ANKS1A: variants seen among roughly 807,000 people sequenced by gnomAD.
The protein encoded by ANKS1A is ankyrin repeat and sterile alpha motif domain containing 1A.
Under a neutral mutation model 120.3 loss-of-function variants are expected in ANKS1A, and 55 were observed. That is an observed-to-expected ratio of 0.46 (90% CI 0.37 to 0.57). The LOEUF is 0.57. Among genes scored for constraint, ANKS1A ranks in the 20% least tolerant of loss-of-function variants. The probability of loss-of-function intolerance (pLI) is 0.00; values close to 1 mark genes in which losing one functional copy is unlikely to be tolerated. For synonymous variants in ANKS1A, 590 were observed against 604.7 expected (o/e 0.98, Z 0.36); for missense variants, 1,123 against 1,480.3 (o/e 0.76, Z 3.96).
intron 9 of ANKS1A, among the ~76,000 whole-genome samples, chr6:34,990,521 G>A (rs1772448342): frequency 7.0e-6 from 1 of 143,420 alleles, no homozygotes; most frequent in African/African-American, 2.6e-5. Flanking sequence ...ACAAGGAGAA[G>A]CCTAATAATA....
chr6:35,043,778 G>A (rs894220402), intron 11 of ANKS1A, among the ~76,000 whole-genome samples: 1 of 152,088 alleles, frequency 6.6e-6, no homozygotes, highest in African/African-American at 2.4e-5. Context: ...TACTAATTTG[G>A]AGTTCTCTGC....
chr6:35,075,826 A>G (rs1237074665), intron 13 of ANKS1A, among the ~76,000 whole-genome samples: 5 of 152,204 alleles, frequency 3.3e-5, no homozygotes, highest in African/African-American at 1.2e-4. Context: ...CAGTGGTGCA[A>G]TCATGGCTCT....
chr6:35,061,212 T>G (rs1274938511), intron 13 of ANKS1A, among the ~76,000 whole-genome samples: 2 of 152,068 alleles, frequency 1.3e-5, no homozygotes, highest in African/African-American at 4.8e-5. Context: ...ATTGGCAGGG[T>G]GGAAATGTGT....
At chr6:34,920,063 TTTG>T (rs905215686) in intron 1 of ANKS1A, among the ~76,000 whole-genome samples, 16 of 152,136 alleles carry the variant, frequency 1.1e-4, no homozygotes, top group Non-Finnish European at 2.1e-4. Flanking sequence ...GGGTAGGTTT[TTTG>T]TTGTTGTTAG....
chr6:35,053,728 C>T (rs1776072421), intron 11 of ANKS1A, among the ~76,000 whole-genome samples: 1 of 152,252 alleles, frequency 6.6e-6, no homozygotes, highest in Non-Finnish European at 1.5e-5. Context: ...GAAATTCTAG[C>T]GTGAGCAATG....
chr6:34,913,743 C>T (rs1202821452), intron 1 of ANKS1A, among the ~76,000 whole-genome samples: 2 of 151,796 alleles, frequency 1.3e-5, no homozygotes, highest in Non-Finnish European at 2.9e-5. Context: ...AAGTGTTTCT[C>T]ATGCCTCAGC....
At chr6:34,924,839 C>T (rs1006267383) in intron 1 of ANKS1A, among the ~76,000 whole-genome samples, 1 of 152,304 alleles carries the variant, frequency 6.6e-6, no homozygotes, top group East Asian at 1.9e-4. Flanking sequence ...ACTGCAACCT[C>T]AGACTCCCCG....
chr6:34,991,585 CACAT>C (rs1772526713), intron 9 of ANKS1A, among the ~76,000 whole-genome samples: 4 of 136,764 alleles, frequency 2.9e-5, no homozygotes, highest in Non-Finnish European at 1.5e-5. Context: ...CACACATATA[CACAT>C]ATATATATAC....
At chr6:34,963,532 G>A (rs1770755532) in intron 1 of ANKS1A, among the ~76,000 whole-genome samples, 1 of 152,168 alleles carries the variant, frequency 6.6e-6, no homozygotes, top group Non-Finnish European at 1.5e-5. Flanking sequence ...TGATGGACAG[G>A]TAGGTTGATT....
chr6:35,087,004 G>A lies in ANKS1A; in HGVS notation c.3356G>A (p.Trp1119Ter). 6.2e-7 allele frequency: 1 copy of A among 1,614,146 alleles called. No homozygotes were observed. The highest frequency in any genetic ancestry group is 8.5e-7 in the Non-Finnish European group (1 of 1,180,006). The change falls in exon 23 of 24, where the codon TGG (tryptophan) becomes TAG (stop). Residue 1119 changes from tryptophan (W) to a stop codon, truncating the protein, a stop_gained. Transcript: ENST00000360359. LOFTEE classifies it high-confidence loss of function. The part of the protein sequence containing the change: ...QDAQSHASVS[W>*]VVDPKPDSKR... ...GCCCAATCCCATGCCAGTGTCTCCT[G>A]GGTTGTGGACCCCAAACCAGACTCT...
chr6:35,070,706 A>C (rs908752595), intron 13 of ANKS1A, among the ~76,000 whole-genome samples: 2 of 151,834 alleles, frequency 1.3e-5, no homozygotes, highest in African/African-American at 4.8e-5. Flanking sequence ...GGATGGTCTC[A>C]ATCTCCTGAC....
At chr6:34,913,655 GAGACAGAGTT>G (rs1768009067) in intron 1 of ANKS1A, among the ~76,000 whole-genome samples, 1 of 151,888 alleles carries the variant, frequency 6.6e-6, no homozygotes, top group African/African-American at 2.4e-5. Context: ...TGTTGTTTTT[GAGACAGAGTT>G]TTGCTCTGTT....
In ANKS1A at chr6:34,989,259, C is replaced by G. The variant is rs367861541; in HGVS notation, c.1245C>G (p.Pro415=). 6.2e-7 allele frequency: 1 copy of G among 1,613,974 alleles called. No individual in the cohort carries two copies. Among genetic ancestry groups the G allele is most frequent in the Non-Finnish European group, 8.5e-7 (1 of 1,179,918 alleles). Residue 415 remains proline (P), a synonymous_variant, in exon 9 of 24, where the codon CCC becomes CCG. Coordinates refer to ENST00000360359, the MANE Select transcript of ANKS1A (RefSeq NM_015245.3). ...CACCACCTCCAGCAAAGCCACCGCCCGATGAAGAGGAAGAAGACCACATAG... is the reference window on the plus strand; with the variant it reads ...CACCACCTCCAGCAAAGCCACCGCCGGATGAAGAGGAAGAAGACCACATAG... ...ERPPPPAKPP[P]DEEEEDHIDK...
chr6:34,935,075 A>G (rs1161022012), intron 1 of ANKS1A, among the ~76,000 whole-genome samples: 2 of 152,204 alleles, frequency 1.3e-5, no homozygotes, highest in Admixed American at 6.5e-5. Context: ...TCTTCTGGAC[A>G]GTGATAGGCT....
At chr6:34,976,030 C>T (rs897973162) in intron 3 of ANKS1A, among the ~76,000 whole-genome samples, 2 of 148,588 alleles carry the variant, frequency 1.3e-5, no homozygotes, top group African/African-American at 4.9e-5. Context: ...CCCAGGTACT[C>T]GGGAGGCTGA....
At chr6:35,071,534 G>GCCC (rs1777086263) in intron 13 of ANKS1A, among the ~76,000 whole-genome samples, 2 of 152,104 alleles carry the variant, frequency 1.3e-5, no homozygotes, top group Non-Finnish European at 2.9e-5. Context: ...CAGGTCCAAT[G>GCCC]CCCCTACCCA....
In ANKS1A at chr6:35,082,175, G is replaced by A. The variant is rs1319718768; in HGVS notation, c.2710-516G>A. Among the ~76,000 whole-genome samples, 5 of 151,944 alleles carry A rather than the reference G, an allele frequency of 3.3e-5. No homozygotes were observed. Among genetic ancestry groups the A allele is most frequent in the Non-Finnish European group, 4.4e-5 (3 of 67,978 alleles). ...GGACCCATGATCTCTCACCTGGACC[G>A]CAGTGGCCTCCCCCACCCCCTAGCT... is the stretch of plus-strand genomic sequence containing the variant. On this transcript the variant is annotated intron_variant, in intron 17 of 23. Coordinates refer to ENST00000360359, the MANE Select transcript of ANKS1A (RefSeq NM_015245.3). This position sits in a 1 kb window ranked among gnomAD's most constrained non-coding sequence, Gnocchi z 4.1.
chr6:35,007,195 G>A (rs1773508349), intron 10 of ANKS1A, among the ~76,000 whole-genome samples: 1 of 152,164 alleles, frequency 6.6e-6, no homozygotes. Flanking sequence ...TGCGCCTGGG[G>A]ACCAGGAATG....
intron 11 of ANKS1A, among the ~76,000 whole-genome samples, chr6:35,041,308 G>C (rs1278546215): frequency 1.3e-5 from 2 of 152,204 alleles, no homozygotes; most frequent in East Asian, 3.9e-4. Context: ...CAAAACAGCT[G>C]AGACTGGTGG....
Sources: allele counts gnomAD v4.1 joint callset (sites outside exome capture counted in the v4.1 genomes callset), GRCh38; gene constraint gnomAD v4.1.1; non-coding constraint Gnocchi (gnomAD v3.1); transcripts MANE v1.5; gene names NCBI Gene and HGNC (gene_info 2026-07-23, HGNC 2026-07-21).